Variants in CACNA2D1 observed in about 807,000 individuals in gnomAD.
CACNA2D1 encodes the protein voltage-dependent calcium channel subunit alpha-2/delta-1.
A neutral mutation model predicts 171.5 loss-of-function variants in CACNA2D1; 53 were observed. The ratio of observed to expected loss-of-function variants is 0.31; its 90% CI spans 0.25 to 0.39. The LOEUF is 0.39. Ranked by LOEUF, CACNA2D1 falls within the 10% of genes least tolerant of loss-of-function variation. The probability of loss-of-function intolerance (pLI) is 1.00; values close to 1 mark genes in which losing one functional copy is unlikely to be tolerated. For synonymous variants in CACNA2D1, 442 were observed against 443.1 expected (o/e 1.00, Z 0.03); for missense variants, 903 against 1,299.8 (o/e 0.69, Z 4.69).
intron 3 of CACNA2D1, among the ~76,000 whole-genome samples, chr7:82,290,666 G>A (rs931673044): frequency 1.3e-5 from 2 of 150,140 alleles, no homozygotes; most frequent in Non-Finnish European, 3.0e-5. Flanking sequence ...GCATGATCTC[G>A]GCTCACCACA....
intron 1 of CACNA2D1, among the ~76,000 whole-genome samples, chr7:82,357,323 A>G (rs1205651743): frequency 6.6e-6 from 1 of 152,168 alleles, no homozygotes; most frequent in Non-Finnish European, 1.5e-5. Context: ...AAATTCAGAA[A>G]AACACAAATT....
chr7:82,176,991 T>G (rs1796599418), intron 3 of CACNA2D1, among the ~76,000 whole-genome samples: 1 of 148,712 alleles, frequency 6.7e-6, no homozygotes, highest in Admixed American at 7.0e-5. Context: ...TCTATCATGA[T>G]GCAAATATCT....
intron 1 of CACNA2D1, among the ~76,000 whole-genome samples, chr7:82,363,703 A>G (rs1264071480): frequency 6.3e-5 from 6 of 95,596 alleles, no homozygotes; most frequent in Non-Finnish European, 1.4e-4. Flanking sequence ...AATAAGTAGT[A>G]ATGATAATAA....
In CACNA2D1 at chr7:82,357,662, G is replaced by A. The variant is rs920808194; in HGVS notation, c.96-8013C>T. 2.0e-5 allele frequency among the ~76,000 whole-genome samples: 3 copies of A among 148,668 alleles called. No individual in the cohort carries two copies. In the Admixed American group the frequency reaches 2.1e-4, roughly 10 times the overall value. On this transcript the variant is annotated intron_variant, in intron 1 of 38. Coordinates refer to ENST00000356860, the MANE Select transcript of CACNA2D1 (RefSeq NM_000722.4). ...TAGCAATTGTCACAGAGACAAAGAG[G>A]GAATGGGAACTATACCACAGAGAAA...
At chr7:82,370,091 TAATGTTAA>T (rs1458704094) in intron 1 of CACNA2D1, among the ~76,000 whole-genome samples, 1 of 152,038 alleles carries the variant, frequency 6.6e-6, no homozygotes, top group Non-Finnish European at 1.5e-5. Flanking sequence ...AAAAAATACT[TAATGTTAA>T]AATCTTTAAA....
At chr7:82,191,091 T>C (rs1440409790) in intron 3 of CACNA2D1, among the ~76,000 whole-genome samples, 1 of 151,712 alleles carries the variant, frequency 6.6e-6, no homozygotes, top group Non-Finnish European at 1.5e-5. Context: ...TTTTAGCTTT[T>C]CTCTCATCCC....
chr7:82,140,491 T>G (rs554718301), intron 4 of CACNA2D1, among the ~76,000 whole-genome samples: 25 of 152,236 alleles, frequency 1.6e-4, no homozygotes, highest in African/African-American at 5.8e-4. Flanking sequence ...AAGAATAAAT[T>G]TATACAGGGC....
At chr7:82,428,025 C>T (rs901878676) in intron 1 of CACNA2D1, among the ~76,000 whole-genome samples, 1 of 151,796 alleles carries the variant, frequency 6.6e-6, no homozygotes, top group Admixed American at 6.6e-5. Flanking sequence ...ACCAAGACTC[C>T]GTCTCTCCAA....
At chr7:82,392,908 A>C (rs556190191) in intron 1 of CACNA2D1, among the ~76,000 whole-genome samples, 1 of 152,204 alleles carries the variant, frequency 6.6e-6, no homozygotes, top group African/African-American at 2.4e-5. Flanking sequence ...CCTAACCCTG[A>C]AAGATACAGT....
intron 29 of CACNA2D1, 50 bp from the exon 30 acceptor site, chr7:81,967,713 A>T (rs749832863): frequency 2.4e-6 from 2 of 839,768 alleles, no homozygotes; most frequent in Non-Finnish European, 4.0e-6. Flanking sequence ...ATGTAATACA[A>T]CCTTTGCAAT....
intron 20 of CACNA2D1, among the ~76,000 whole-genome samples, chr7:81,992,493 C>G (rs1375944953): frequency 6.6e-6 from 1 of 151,794 alleles, no homozygotes; most frequent in Non-Finnish European, 1.5e-5. Flanking sequence ...GGGCTTTGGA[C>G]TAGCAATATT....
At chr7:82,342,345 G>T (rs1481259163) in intron 2 of CACNA2D1, among the ~76,000 whole-genome samples, 1 of 152,144 alleles carries the variant, frequency 6.6e-6, no homozygotes, top group Non-Finnish European at 1.5e-5. Flanking sequence ...TCACTGGTAC[G>T]TAACCAGCGC....
intron 3 of CACNA2D1, among the ~76,000 whole-genome samples, chr7:82,223,324 T>C (rs1801997430): frequency 6.6e-6 from 1 of 152,216 alleles, no homozygotes. Flanking sequence ...AAACGTGCTA[T>C]ACAATTTTCC....
intron 3 of CACNA2D1, among the ~76,000 whole-genome samples, chr7:82,217,268 G>A (rs552147514): frequency 6.6e-6 from 1 of 150,982 alleles, no homozygotes; most frequent in African/African-American, 2.4e-5. Flanking sequence ...ATTTAAAAGA[G>A]GACAATCAAC....
In CACNA2D1 at chr7:81,967,178, T is replaced by C. The variant is rs1794794060; in HGVS notation, c.2493A>G (p.Arg831=). The change falls in exon 31 of 39, where the codon AGA becomes AGG. Residue 831 remains arginine (R), a synonymous_variant. Transcript: ENST00000356860. Reference sequence around the variant, plus strand: ...TAAATAGTTTTCTTACGTCACTGTTTCTTTTGCAGTCACAAACTGGACCAG... The same window carrying C: ...TAAATAGTTTTCTTACGTCACTGTTCCTTTTGCAGTCACAAACTGGACCAG... The part of the protein sequence containing the change: ...PCAGPVCDCK[R]NSDVMDCVIL... The C allele has an allele frequency of 1.2e-6, 2 of 1,607,266 alleles. No individual in the cohort carries two copies. Among genetic ancestry groups the C allele is most frequent in the Middle Eastern group, 1.7e-4 (1 of 6,048 alleles).
intron 3 of CACNA2D1, among the ~76,000 whole-genome samples, chr7:82,195,121 CA>C (rs1798722656): frequency 6.6e-6 from 1 of 151,826 alleles, no homozygotes; most frequent in African/African-American, 2.4e-5. Flanking sequence ...TTTTTGTTTA[CA>C]AAATTATTTA....
chr7:82,295,116 T>A (rs1015334200), intron 3 of CACNA2D1, among the ~76,000 whole-genome samples: 2 of 152,190 alleles, frequency 1.3e-5, no homozygotes, highest in Non-Finnish European at 2.9e-5. Context: ...TTTCCAATAC[T>A]TCATTTTGCC....
intron 3 of CACNA2D1, among the ~76,000 whole-genome samples, chr7:82,253,112 G>C (rs1489809164): frequency 6.6e-6 from 1 of 152,138 alleles, no homozygotes; most frequent in African/African-American, 2.4e-5. Flanking sequence ...TTATAGAGAG[G>C]AATGGCTGGA....
rs546304842 is a variant in CACNA2D1, at chr7:82,021,581, C to G, written c.1144-7102G>C. On this transcript the variant is annotated intron_variant, in intron 12 of 38. Coordinates refer to ENST00000356860, the MANE Select transcript of CACNA2D1 (RefSeq NM_000722.4). ...CAACATATCTGCTAGTAATGAGCAC[C>G]TACCATGCATCAAGTACTGTGCCAT... Among the ~76,000 whole-genome samples the G allele has an allele frequency of 6.6e-5, 10 of 152,114 alleles. No homozygotes were observed. In the South Asian group the frequency reaches 1.2e-3, roughly 19 times the overall value.
Sources: gnomAD v4.1 joint callset for allele counts (sites outside exome capture counted in the v4.1 genomes callset) on GRCh38, gnomAD v4.1.1 for gene constraint, MANE v1.5 for transcripts, NCBI Gene and HGNC (gene_info 2026-07-23, HGNC 2026-07-21) for gene names.